STOX2: variants seen among roughly 807,000 people sequenced by gnomAD.
The protein encoded by STOX2 is storkhead box 2, also known as storkhead-box protein 2.
A neutral mutation model predicts 60.9 loss-of-function variants in STOX2; 28 were observed. The observed-to-expected ratio is 0.46, with a 90% CI of 0.34 to 0.63. The LOEUF (loss-of-function observed/expected upper bound fraction) is 0.63, where lower values mean the gene tolerates loss of function less well. Ranked by LOEUF, STOX2 falls within the 30% of genes least tolerant of loss-of-function variation. STOX2 has a pLI of 0.01. For missense variants in STOX2, 1,024 were observed against 1,187.7 expected (o/e 0.86, Z 2.03); for synonymous variants, 472 against 463.9 (o/e 1.02, Z -0.22).
intron 1 of STOX2, among the ~76,000 whole-genome samples, chr4:183,805,454 A>G (rs1278806978): frequency 1.3e-5 from 2 of 152,210 alleles, no homozygotes; most frequent in Non-Finnish European, 2.9e-5. Context: ...ATAGTATACT[A>G]TAATAATAGC....
intron 1 of STOX2, among the ~76,000 whole-genome samples, chr4:183,814,636 C>T (rs919061320): frequency 2.6e-5 from 4 of 152,214 alleles, no homozygotes; most frequent in Admixed American, 2.0e-4. Context: ...CAAACAAATA[C>T]ATGCCCCGTG....
At position 183,950,155 on chromosome 4, in the gene STOX2, T is replaced by C. The variant is rs144788929; in HGVS notation, c.166+43199T>C. Among the ~76,000 whole-genome samples, 507 of 152,362 alleles carry C rather than the reference T, an allele frequency of 3.3e-3. 15 individuals carry two copies. The highest frequency in any genetic ancestry group is 0.022 in the Admixed American group (337 of 15,304). On this transcript the variant is annotated intron_variant, in intron 1 of 3. Coordinates refer to ENST00000308497, the MANE Select transcript of STOX2 (RefSeq NM_020225.3). The stretch of plus-strand genomic sequence containing the variant: ...AGGGACAGCTAAAGCTGAAATCCTT[T>C]AGTTTTTATTTCTCTTGGTAGATTA...
chr4:183,854,069 C>G (rs564841573), intron 1 of STOX2, among the ~76,000 whole-genome samples: 26 of 152,322 alleles, frequency 1.7e-4, no homozygotes, highest in South Asian at 1.2e-3. Context: ...CATACTTCCA[C>G]GATTTCTCTG....
rs895185177 is a variant in STOX2 at position 183,865,760 on chromosome 4, C to G, written c.364+67705C>G. Among the ~76,000 whole-genome samples, 1 of 152,154 alleles carries G rather than the reference C, an allele frequency of 6.6e-6. No individual in the cohort carries two copies. The highest frequency in any genetic ancestry group is 1.5e-5 in the Non-Finnish European group (1 of 68,040). On this transcript the variant is annotated intron_variant, in intron 1 of 2. Transcript: ENST00000513034. The surrounding 1 kb of genome is among the most constrained non-coding windows in gnomAD (Gnocchi z 4.1). ...GGAGGGGAACGAAATGGCATGAACA[C>G]AGGCTAGAAGGCAAGAAAACCCTGG...
Position 184,010,169 on chromosome 4 carries a change from G to A in STOX2, c.1331G>A (p.Gly444Asp). Reference protein sequence around the residue: ...FPMTPEWDVSGELAKRRTEMP... With the variant: ...FPMTPEWDVSDELAKRRTEMP... ...ATGACACCAGAATGGGATGTGTCTG[G>A]TGAATTGGCTAAAAGGAGAACTGAG... Residue 444 changes from glycine to aspartate, a missense_variant, in exon 3 of 4, where the codon GGT becomes GAT. Gly to Asp is a moderately conservative substitution (Grantham distance 94). Around this residue, in one of 3 missense-constraint regions of STOX2, gnomAD observed 922 missense variants for 1,058.3 expected, o/e 0.87. Coordinates refer to ENST00000308497, the MANE Select transcript of STOX2 (RefSeq NM_020225.3). The surrounding 1 kb of genome is among the most constrained non-coding windows in gnomAD (Gnocchi z 4.5). 6.4e-7 allele frequency: 1 copy of A among 1,557,994 alleles called. No homozygotes were observed. The highest frequency in any genetic ancestry group is 8.7e-7 in the Non-Finnish European group (1 of 1,150,404).
At chr4:183,978,896 C>T (rs1037882839) in intron 1 of STOX2, among the ~76,000 whole-genome samples, 1 of 152,150 alleles carries the variant, frequency 6.6e-6, no homozygotes, top group African/African-American at 2.4e-5. Context: ...CAAATCTACA[C>T]ATGTGTTAAA....
chr4:183,801,210 A>G lies in STOX2; in HGVS notation c.364+3155A>G, dbSNP rs181659359. ...GTTTTGACTTGGCATCTTCCAATTC[A>G]CTACTTAGAAATAACCTACTAGAAT... is the stretch of plus-strand genomic sequence containing the variant. On this transcript the variant is annotated intron_variant, in intron 1 of 2. Coordinates refer to the STOX2 transcript ENST00000513034. Among the ~76,000 whole-genome samples the G allele has an allele frequency of 9.7e-4, 147 of 152,324 alleles. 1 individual carries two copies. Among genetic ancestry groups the G allele is most frequent in the African/African-American group, 3.3e-3 (138 of 41,572 alleles).
At chr4:183,985,587 A>G (rs954556521) in intron 1 of STOX2, among the ~76,000 whole-genome samples, 1 of 151,930 alleles carries the variant, frequency 6.6e-6, no homozygotes. Flanking sequence ...TATAGATGAA[A>G]ACATGCATGC....
chr4:183,939,621 A>G (rs1473517164), intron 1 of STOX2, among the ~76,000 whole-genome samples: 1 of 151,330 alleles, frequency 6.6e-6, no homozygotes, highest in African/African-American at 2.4e-5. Context: ...CAGAATCACT[A>G]TTTATTGAGT....
intron 1 of STOX2, among the ~76,000 whole-genome samples, chr4:183,830,200 T>C (rs1221338870): frequency 6.6e-6 from 1 of 152,176 alleles, no homozygotes; most frequent in Admixed American, 6.5e-5. Flanking sequence ...CCTGGTGCGT[T>C]GTTACTTGCT....
At chr4:183,912,033 T>C (rs147116109) in intron 1 of STOX2, among the ~76,000 whole-genome samples, 3 of 152,194 alleles carry the variant, frequency 2.0e-5, no homozygotes, top group African/African-American at 7.2e-5. Flanking sequence ...AGGCTAGTCT[T>C]CTTTAACATC....
intron 1 of STOX2, among the ~76,000 whole-genome samples, chr4:183,861,429 C>T (rs1382946980): frequency 1.3e-5 from 2 of 152,190 alleles, no homozygotes; most frequent in East Asian, 3.8e-4. Flanking sequence ...AGAGGGAGAA[C>T]CGGGGAGCTT....
At chr4:183,975,155 A>G (rs2111180717) in intron 1 of STOX2, among the ~76,000 whole-genome samples, 1 of 152,232 alleles carries the variant, frequency 6.6e-6, no homozygotes, top group Middle Eastern at 3.4e-3. Flanking sequence ...TTGAAAATGC[A>G]ATATATCATA....
intron 2 of STOX2, among the ~76,000 whole-genome samples, chr4:184,006,744 G>T (rs1579539306): frequency 7.1e-6 from 1 of 139,952 alleles, no homozygotes; most frequent in Non-Finnish European, 1.6e-5. Context: ...TGTACAGAAA[G>T]TATTATAAAA....
intron 1 of STOX2, among the ~76,000 whole-genome samples, chr4:183,875,632 C>A (rs1014457878): frequency 6.6e-6 from 1 of 152,230 alleles, no homozygotes; most frequent in African/African-American, 2.4e-5. Context: ...GAGTGGCAGC[C>A]TGTGTTTTGT....
intron 1 of STOX2, among the ~76,000 whole-genome samples, chr4:183,947,631 A>G (rs1244993416): frequency 6.6e-6 from 1 of 152,172 alleles, no homozygotes; most frequent in Non-Finnish European, 1.5e-5. Flanking sequence ...CTTATTGCTC[A>G]GTCCTCAATA....
At chr4:183,824,434 C>T (rs909422054) in intron 1 of STOX2, among the ~76,000 whole-genome samples, 4 of 152,102 alleles carry the variant, frequency 2.6e-5, no homozygotes, top group Admixed American at 2.0e-4. Context: ...TGAAAAGGCA[C>T]GCTGGAGAGA....
intron 1 of STOX2, among the ~76,000 whole-genome samples, chr4:183,986,271 A>G (rs1402506501): frequency 8.5e-5 from 13 of 152,248 alleles, no homozygotes; most frequent in Admixed American, 8.5e-4. Flanking sequence ...GATCAAGCAT[A>G]CAAGGTAAAA....
intron 1 of STOX2, among the ~76,000 whole-genome samples, chr4:183,803,793 T>G (rs1444868259): frequency 6.6e-6 from 1 of 152,056 alleles, no homozygotes; most frequent in Non-Finnish European, 1.5e-5. Context: ...TGAAACCCTG[T>G]CTCTACTAAA....
Sources: gnomAD v4.1 joint callset for allele counts (sites outside exome capture counted in the v4.1 genomes callset) on GRCh38, gnomAD v4.1.1 for gene constraint, gnomAD v4.1.1 regional missense constraint, Gnocchi (gnomAD v3.1) non-coding constraint, MANE v1.5 for transcripts, NCBI Gene and HGNC (gene_info 2026-07-23, HGNC 2026-07-21) for gene names.